ADAMTS17: variants seen among roughly 807,000 people sequenced by gnomAD.
ADAMTS17 encodes the protein A disintegrin and metalloproteinase with thrombospondin motifs 17.
Under a neutral mutation model 141.5 loss-of-function variants are expected in ADAMTS17, and 113 were observed. The observed-to-expected ratio is 0.80, with a 90% confidence interval of 0.69 to 0.93. The LOEUF is 0.93. Ranked by LOEUF, ADAMTS17 falls within the 40% of genes least tolerant of loss-of-function variation. ADAMTS17 has a pLI of 0.00. For synonymous variants in ADAMTS17, 768 were observed against 630.6 expected (o/e 1.22, Z -3.27); for missense variants, 1,659 against 1,517.9 (o/e 1.09, Z -1.54).
At chr15:100,208,022 C>A (rs1311583380) in intron 7 of ADAMTS17, among the ~76,000 whole-genome samples, 3 of 152,158 alleles carry the variant, frequency 2.0e-5, no homozygotes, top group African/African-American at 7.2e-5. Context: ...AGGCTAAAAT[C>A]ATCTCTTCAA....
intron 3 of ADAMTS17, among the ~76,000 whole-genome samples, chr15:100,321,358 C>A (rs1331949916): frequency 6.6e-6 from 1 of 152,056 alleles, no homozygotes; most frequent in African/African-American, 2.4e-5. Flanking sequence ...TGAATTCTAG[C>A]AATACTAGAA....
At chr15:100,152,842 T>C in intron 9 of ADAMTS17, 80 bp from the exon 10 acceptor site, 1 of 1,326,732 alleles carries the variant, frequency 7.5e-7, no homozygotes, top group Non-Finnish European at 1.0e-6. Context: ...TTTTTTTGAG[T>C]TTTCAGTCAC....
chr15:100,306,369 T>C (rs1179661121), intron 3 of ADAMTS17: 2 of 410,778 alleles, frequency 4.9e-6, no homozygotes, highest in Admixed American at 2.7e-5. Flanking sequence ...CGGGAACTCT[T>C]GCATTGGGAG....
At chr15:100,090,250 A>C (rs539398725) in intron 15 of ADAMTS17, among the ~76,000 whole-genome samples, 1 of 152,312 alleles carries the variant, frequency 6.6e-6, no homozygotes, top group African/African-American at 2.4e-5. Flanking sequence ...TCGGGGTCAA[A>C]GTGATTAGAA....
intron 7 of ADAMTS17, among the ~76,000 whole-genome samples, chr15:100,243,961 G>A (rs922460383): frequency 6.6e-6 from 1 of 152,094 alleles, no homozygotes; most frequent in Non-Finnish European, 1.5e-5. Flanking sequence ...TTAGGTAAGT[G>A]TATCAGTCTA....
intron 18 of ADAMTS17, among the ~76,000 whole-genome samples, chr15:100,043,979 G>A (rs1048981717): frequency 6.6e-6 from 1 of 150,392 alleles, no homozygotes; most frequent in Non-Finnish European, 1.5e-5. Flanking sequence ...ACTCATGTTT[G>A]TTTATGTCAC....
At chr15:100,033,297 T>C (rs2030364786) in intron 18 of ADAMTS17, among the ~76,000 whole-genome samples, 1 of 152,172 alleles carries the variant, frequency 6.6e-6, no homozygotes, top group Non-Finnish European at 1.5e-5. Context: ...CACCCAGTCA[T>C]GAAGGGTTTG....
chr15:100,282,168 G>T (rs1238433060), intron 3 of ADAMTS17, among the ~76,000 whole-genome samples: 1 of 152,202 alleles, frequency 6.6e-6, no homozygotes, highest in Non-Finnish European at 1.5e-5. Context: ...CAACACAACA[G>T]GTTGATATGA....
intron 3 of ADAMTS17, among the ~76,000 whole-genome samples, chr15:100,287,253 G>C (rs113517981): frequency 1.3e-5 from 2 of 152,220 alleles, no homozygotes; most frequent in East Asian, 1.9e-4. Context: ...TAATGCAATC[G>C]CAAGTACTAA....
At chr15:100,248,138 G>A (rs1057320615) in intron 7 of ADAMTS17, among the ~76,000 whole-genome samples, 5 of 152,240 alleles carry the variant, frequency 3.3e-5, no homozygotes, top group East Asian at 3.9e-4. Flanking sequence ...AGCCTGCAAC[G>A]GTGGAACATC....
chr15:100,121,275 G>C (rs930041853), intron 12 of ADAMTS17, among the ~76,000 whole-genome samples: 1 of 152,150 alleles, frequency 6.6e-6, no homozygotes, highest in African/African-American at 2.4e-5. Context: ...GAGAGAAAGG[G>C]TTAAGAGATT....
At chr15:100,184,670 C>T (rs1596215915) in intron 8 of ADAMTS17, among the ~76,000 whole-genome samples, 1 of 152,200 alleles carries the variant, frequency 6.6e-6, no homozygotes, top group East Asian at 1.9e-4. Flanking sequence ...GGTTGTCTCT[C>T]CTCTGTGCCT....
chr15:100,313,217 C>T (rs2045459302), intron 3 of ADAMTS17, among the ~76,000 whole-genome samples: 1 of 152,136 alleles, frequency 6.6e-6, no homozygotes, highest in African/African-American at 2.4e-5. Flanking sequence ...AACACACACA[C>T]ACAAAACAAT....
intron 3 of ADAMTS17, among the ~76,000 whole-genome samples, chr15:100,289,312 A>G (rs2044550024): frequency 6.6e-6 from 1 of 152,190 alleles, no homozygotes; most frequent in South Asian, 2.1e-4. Flanking sequence ...AATCCCTGAA[A>G]AAACCAAGTT....
chr15:100,288,113 C>G (rs2044507155), intron 3 of ADAMTS17, among the ~76,000 whole-genome samples: 1 of 152,170 alleles, frequency 6.6e-6, no homozygotes, highest in African/African-American at 2.4e-5. Flanking sequence ...CTTCAAGAGA[C>G]CCATCTCACA....
At chr15:100,271,473 C>A (rs906116148) in intron 4 of ADAMTS17, among the ~76,000 whole-genome samples, 13 of 152,064 alleles carry the variant, frequency 8.5e-5, no homozygotes, top group African/African-American at 3.1e-4. Context: ...GTTTTAATTT[C>A]CATTTCCCTG....
chr15:100,296,964 T>G (rs2044844046), intron 3 of ADAMTS17, among the ~76,000 whole-genome samples: 4 of 152,212 alleles, frequency 2.6e-5, no homozygotes, highest in Admixed American at 2.6e-4. Flanking sequence ...GAATTAAACA[T>G]TCTACATGTG....
rs1555504048 is a variant in ADAMTS17, at chr15:100,296,578, G to GTGTGTGT, written c.617-15178_617-15177insACACACA. Reference sequence around the variant, plus strand: ...GTTTTTTGTTTGGAGGGGGTGAGGGGGGGTGTGTGTGTGTGTGTGTGTGTG... The same window carrying GTGTGTGT: ...GTTTTTTGTTTGGAGGGGGTGAGGGGTGTGTGTGGGTGTGTGTGTGTGTGTGTGTGTG... On this transcript the variant is annotated intron_variant, in intron 3 of 21. Transcript: ENST00000268070. 1.3e-4 allele frequency among the ~76,000 whole-genome samples: 17 copies of GTGTGTGT among 127,672 alleles called. No homozygotes were observed. In the South Asian group the frequency reaches 1.6e-3, roughly 12 times the overall value. 83.8% of individuals were successfully genotyped at this position (127,672 alleles called of 152,430 possible).
At chr15:100,288,926 C>T (rs774239703) in intron 3 of ADAMTS17, among the ~76,000 whole-genome samples, 10 of 152,114 alleles carry the variant, frequency 6.6e-5, no homozygotes, top group Non-Finnish European at 1.3e-4. Flanking sequence ...AATGATCTGA[C>T]ATCACACCTT....
Sources: gnomAD v4.1 joint callset for allele counts (sites outside exome capture counted in the v4.1 genomes callset) on GRCh38, gnomAD v4.1.1 for gene constraint, MANE v1.5 for transcripts, NCBI Gene and HGNC (gene_info 2026-07-23, HGNC 2026-07-21) for gene names.